Variants in IFRD1 observed in about 807,000 individuals in gnomAD.
The protein encoded by IFRD1 is interferon-related developmental regulator 1.
Under a neutral mutation model 52.9 loss-of-function variants are expected in IFRD1, and 35 were observed. The observed-to-expected ratio is 0.66, with a 90% CI of 0.51 to 0.88. The LOEUF is 0.88. IFRD1 is among the 40% of genes least tolerant of loss of function. The pLI, the probability that IFRD1 is intolerant of heterozygous loss-of-function variation, is 0.00. For missense variants in IFRD1, 517 were observed against 550.8 expected (o/e 0.94, Z 0.61); for synonymous variants, 184 against 188.4 (o/e 0.98, Z 0.19).
intron 11 of IFRD1, among the ~76,000 whole-genome samples, chr7:112,474,693 T>TA (rs1183328370): frequency 1.3e-5 from 2 of 152,256 alleles, no homozygotes; most frequent in Non-Finnish European, 2.9e-5. Context: ...ATGTAGCTGT[T>TA]ACACAAAGAT....
intron 5 of IFRD1, 180 bp from the exon 6 acceptor site, chr7:112,461,686 C>T (rs1795437722): frequency 2.6e-6 from 1 of 384,368 alleles, no homozygotes; most frequent in Non-Finnish European, 4.6e-6. Flanking sequence ...AGCTGAAACG[C>T]ACTTCCTTTG....
chr7:112,464,465 CTT>C (rs1227175611), intron 8 of IFRD1, among the ~76,000 whole-genome samples: 2 of 152,126 alleles, frequency 1.3e-5, no homozygotes, highest in African/African-American at 4.8e-5. Context: ...CTTCGGATCT[CTT>C]TCTCTCTTAC....
At chr7:112,434,722 T>C (rs1794630926) in intron 1 of IFRD1, among the ~76,000 whole-genome samples, 1 of 152,214 alleles carries the variant, frequency 6.6e-6, no homozygotes, top group South Asian at 2.1e-4. Context: ...TATTTTTGCA[T>C]ATAACTTCAG....
rs1554506833 is a variant in IFRD1, at chr7:112,455,845, T to C, written c.177T>C (p.Asp59=). 6.2e-7 allele frequency: 1 copy of C among 1,610,882 alleles called. No individual in the cohort carries two copies. Among genetic ancestry groups the C allele is most frequent in the Non-Finnish European group, 8.5e-7 (1 of 1,177,056 alleles). The change falls in exon 2 of 12, where the codon GAT becomes GAC. Residue 59 remains aspartate (D), a synonymous_variant. Coordinates refer to ENST00000403825, the MANE Select transcript of IFRD1 (RefSeq NM_001550.4). ...TGAGCCATTGCAGTGGTTATAGCGA[T>C]CCTTCCAGTTTTGCTGAAGATGGTA... is the stretch of plus-strand genomic sequence containing the variant. ...ETMSHCSGYS[D]PSSFAEDGPE...
In IFRD1 at chr7:112,475,743, G is replaced by A. The variant is rs1295011802; in HGVS notation, c.*224G>A. 1.5e-5 allele frequency: 7 copies of A among 470,568 alleles called. No homozygotes were observed. In the East Asian group the frequency reaches 2.9e-4, roughly 19 times the overall value. The allele number at this position is 470,568 out of a possible 1,614,324, so 29.1% of individuals were successfully genotyped here. ...ATGTATAAAGTATTTGTAATGTTTG[G>A]TCATAATTTATTTATGAAGACAGCA... On this transcript the variant is annotated 3_prime_UTR_variant, in exon 12 of 12. Transcript: ENST00000403825.
intron 1 of IFRD1, among the ~76,000 whole-genome samples, chr7:112,439,887 T>C (rs1369455877): frequency 6.6e-6 from 1 of 151,866 alleles, no homozygotes; most frequent in Non-Finnish European, 1.5e-5. Flanking sequence ...TCGAAGGAGG[T>C]TGGATATCTG....
In IFRD1 at chr7:112,455,930, T is replaced by C. The variant is rs1795280699; in HGVS notation, c.199+63T>C. 41 of 1,450,700 alleles carry C rather than the reference T, an allele frequency of 2.8e-5. No individual in the cohort carries two copies. The South Asian group carries it at 4.6e-4, about 16-fold the overall frequency. 89.9% of individuals were successfully genotyped at this position (1,450,700 alleles called of 1,614,324 possible). On this transcript the variant is annotated intron_variant, in intron 2 of 11. Transcript: ENST00000403825. ...AATGTTTCAGGTGGAGGAATTCTTG[T>C]AGCTAAAGTATACTATTATTCCCTG...
chr7:112,429,692 A>G (rs773535969), intron 1 of IFRD1, among the ~76,000 whole-genome samples: 16 of 152,328 alleles, frequency 1.1e-4, no homozygotes, highest in South Asian at 2.1e-4. Flanking sequence ...GGGACTCATG[A>G]TATCAATTTA....
chr7:112,453,644 T>C lies in IFRD1; in HGVS notation c.95-2119T>C, dbSNP rs118185908. 3.3e-5 allele frequency among the ~76,000 whole-genome samples: 5 copies of C among 152,308 alleles called. No individual in the cohort carries two copies. In the East Asian group the frequency reaches 5.8e-4, roughly 18 times the overall value. On this transcript the variant is annotated intron_variant, in intron 1 of 11. Coordinates refer to ENST00000403825, the MANE Select transcript of IFRD1 (RefSeq NM_001550.4). ...TCATCTGTTGCCATTACTTCAGTCATAAAAACGAGGAAGATAGATCCAGAA... is the reference window on the plus strand; with the variant it reads ...TCATCTGTTGCCATTACTTCAGTCACAAAAACGAGGAAGATAGATCCAGAA...
At chr7:112,433,682 C>T (rs1794597813) in intron 1 of IFRD1, among the ~76,000 whole-genome samples, 1 of 152,166 alleles carries the variant, frequency 6.6e-6, no homozygotes, top group Admixed American at 6.5e-5. Flanking sequence ...AAACTAAGTT[C>T]CTCCCAAAGT....
upstream of IFRD1, among the ~76,000 whole-genome samples, chr7:112,449,507 T>G (rs1795097735): frequency 6.6e-6 from 1 of 152,016 alleles, no homozygotes; most frequent in South Asian, 2.1e-4. Flanking sequence ...TCACCTACAT[T>G]GAGGTGAGTC....
chr7:112,431,622 A>G (rs184863240), intron 1 of IFRD1, among the ~76,000 whole-genome samples: 3 of 152,328 alleles, frequency 2.0e-5, no homozygotes, highest in East Asian at 1.9e-4. Context: ...CCAGGGCAGT[A>G]GGAAACTCCC....
chr7:112,456,786 G>C, intron 3 of IFRD1, 128 bp from the exon 4 acceptor site: 2 of 829,644 alleles, frequency 2.4e-6, no homozygotes, highest in Non-Finnish European at 1.9e-6. Context: ...CAAATGGTTA[G>C]AGCTTGATGA....
At chr7:112,474,131 T>G (rs986384631) in intron 11 of IFRD1, among the ~76,000 whole-genome samples, 2 of 152,232 alleles carry the variant, frequency 1.3e-5, no homozygotes, top group Non-Finnish European at 2.9e-5. Context: ...TATCACATTT[T>G]GTTTATCCAT....
intron 1 of IFRD1, among the ~76,000 whole-genome samples, chr7:112,424,406 A>C (rs559580349): frequency 6.8e-6 from 1 of 147,258 alleles, no homozygotes; most frequent in South Asian, 2.2e-4. Context: ...TTATGATAGT[A>C]TTTCTTTCTT....
At chr7:112,442,631 A>C (rs1025326537) in intron 1 of IFRD1, among the ~76,000 whole-genome samples, 23 of 152,200 alleles carry the variant, frequency 1.5e-4, no homozygotes, top group African/African-American at 5.5e-4. Context: ...CTGATCCATC[A>C]AGAGAGAAGC....
At chr7:112,425,623 T>G (rs1256532759) in intron 1 of IFRD1, among the ~76,000 whole-genome samples, 1 of 152,222 alleles carries the variant, frequency 6.6e-6, no homozygotes, top group Non-Finnish European at 1.5e-5. Context: ...GGATTTGGAC[T>G]GAGCCACACT....
At chr7:112,432,521 C>T (rs2117229030) in intron 1 of IFRD1, among the ~76,000 whole-genome samples, 2 of 152,266 alleles carry the variant, frequency 1.3e-5, no homozygotes, top group Admixed American at 1.3e-4. Flanking sequence ...TGCTAAGCAC[C>T]AATCTTTTAC....
intron 1 of IFRD1, among the ~76,000 whole-genome samples, chr7:112,440,257 T>A (rs1794844309): frequency 6.6e-6 from 1 of 152,164 alleles, no homozygotes; most frequent in South Asian, 2.1e-4. Flanking sequence ...AATGCTGGGA[T>A]TACAGGTGTG....
Sources: allele counts gnomAD v4.1 joint callset (sites outside exome capture counted in the v4.1 genomes callset), GRCh38; gene constraint gnomAD v4.1.1; transcripts MANE v1.5; gene names NCBI Gene and HGNC (gene_info 2026-07-23, HGNC 2026-07-21).